The following ROBO2 variants were observed in gnomAD, a reference collection of about 807,000 sequenced individuals.
ROBO2 encodes the protein roundabout homolog 2.
ROBO2 carries 53 observed loss-of-function variants against 160.8 expected under a neutral mutation model. The ratio of observed to expected loss-of-function variants is 0.33; its 90% CI spans 0.26 to 0.41. ROBO2 has a LOEUF of 0.41. Among genes scored for constraint, ROBO2 ranks in the 10% least tolerant of loss-of-function variants. The pLI, the probability that ROBO2 is intolerant of heterozygous loss-of-function variation, is 1.00. For synonymous variants in ROBO2, 664 were observed against 611.7 expected (o/e 1.09, Z -1.26); for missense variants, 1,577 against 1,722.4 (o/e 0.92, Z 1.49).
intron 22 of ROBO2, among the ~76,000 whole-genome samples, chr3:77,618,982 T>G (rs1294101675): frequency 6.6e-6 from 1 of 152,168 alleles, no homozygotes; most frequent in East Asian, 1.9e-4. Context: ...AAGCACAGAC[T>G]CAAGCTGAAG....
At chr3:77,259,620 A>T (rs2153328961) in intron 2 of ROBO2, among the ~76,000 whole-genome samples, 1 of 152,352 alleles carries the variant, frequency 6.6e-6, no homozygotes, top group South Asian at 2.1e-4. Flanking sequence ...ATGATTGCTT[A>T]CTAGCTGCTG....
At chr3:76,357,180 G>A (rs2075222777) in intron 2 of ROBO2, among the ~76,000 whole-genome samples, 2 of 151,904 alleles carry the variant, frequency 1.3e-5, no homozygotes, top group Admixed American at 1.3e-4. Context: ...ATGAAATCAT[G>A]TCCTTTGCAG....
intron 2 of ROBO2, among the ~76,000 whole-genome samples, chr3:76,912,305 G>T (rs1559692392): frequency 6.6e-6 from 1 of 152,042 alleles, no homozygotes; most frequent in Non-Finnish European, 1.5e-5. Flanking sequence ...ATACAATAAG[G>T]TTTTATATTC....
At chr3:77,098,363 A>G (rs1323591358) in intron 2 of ROBO2, 23 bp downstream of exon 2, 2 of 1,608,476 alleles carry the variant, frequency 1.2e-6, no homozygotes, top group South Asian at 2.2e-5. Flanking sequence ...AATGAACCTC[A>G]TGTGCACATT....
intron 2 of ROBO2, among the ~76,000 whole-genome samples, chr3:76,704,705 G>A (rs1240912441): frequency 6.6e-6 from 1 of 152,008 alleles, no homozygotes; most frequent in Non-Finnish European, 1.5e-5. Context: ...GATAGCATGA[G>A]GTTTTCTTGA....
chr3:76,524,482 G>A (rs1006165276), intron 2 of ROBO2, among the ~76,000 whole-genome samples: 1 of 151,692 alleles, frequency 6.6e-6, no homozygotes, highest in Non-Finnish European at 1.5e-5. Flanking sequence ...TAAGGTGAGG[G>A]CGACAATTTT....
At chr3:76,965,921 C>CTTTTTTTTT (rs1168083048) in intron 2 of ROBO2, among the ~76,000 whole-genome samples, 1 of 114,118 alleles carries the variant, frequency 8.8e-6, no homozygotes, top group Non-Finnish European at 1.8e-5. Context: ...GGCATATTTT[C>CTTTTTTTTT]TTTTTTTTTT....
chr3:77,190,951 T>C (rs1394859800), intron 2 of ROBO2, among the ~76,000 whole-genome samples: 3 of 152,028 alleles, frequency 2.0e-5, no homozygotes, highest in Non-Finnish European at 4.4e-5. Flanking sequence ...AAAAAATGCA[T>C]CACAGAAGTC....
chr3:76,323,176 C>CACACACACACACACACACACACACA (rs1559763162), intron 2 of ROBO2, among the ~76,000 whole-genome samples: 3 of 143,766 alleles, frequency 2.1e-5, no homozygotes, highest in Admixed American at 6.8e-5. Flanking sequence ...CACACACACA[C>CACACACACACACACACACACACACA]CCCTAAAGGC....
intron 2 of ROBO2, among the ~76,000 whole-genome samples, chr3:76,001,410 C>G (rs1382478572): frequency 6.6e-6 from 1 of 152,168 alleles, no homozygotes; most frequent in Non-Finnish European, 1.5e-5. Flanking sequence ...TTCTCTATAA[C>G]TCAGTGTCAC....
chr3:76,129,983 A>G (rs2071163043), intron 2 of ROBO2, among the ~76,000 whole-genome samples: 1 of 152,084 alleles, frequency 6.6e-6, no homozygotes, highest in Non-Finnish European at 1.5e-5. Flanking sequence ...AGTTAATAAA[A>G]AACATATGAG....
chr3:75,962,581 A>G (rs1948958097), intron 2 of ROBO2, among the ~76,000 whole-genome samples: 1 of 151,654 alleles, frequency 6.6e-6, no homozygotes, highest in Non-Finnish European at 1.5e-5. Flanking sequence ...TTTGCCTCCG[A>G]TATAACTGGG....
chr3:76,333,858 T>C (rs1250236520), intron 2 of ROBO2, among the ~76,000 whole-genome samples: 1 of 152,180 alleles, frequency 6.6e-6, no homozygotes, highest in African/African-American at 2.4e-5. Context: ...TGGATGAAGC[T>C]GGAAACCATC....
chr3:76,351,393 G>T (rs2074865285), intron 2 of ROBO2, among the ~76,000 whole-genome samples: 1 of 151,954 alleles, frequency 6.6e-6, no homozygotes, highest in Admixed American at 6.6e-5. Context: ...GACTTTTGGG[G>T]CAAACAGCTG....
At chr3:76,641,939 C>T (rs1316274536) in intron 2 of ROBO2, among the ~76,000 whole-genome samples, 3 of 151,936 alleles carry the variant, frequency 2.0e-5, no homozygotes, top group East Asian at 1.9e-4. Flanking sequence ...GAGATGGTCT[C>T]GAACTCTTGG....
intron 2 of ROBO2, among the ~76,000 whole-genome samples, chr3:76,735,564 C>T (rs895153101): frequency 6.6e-6 from 1 of 151,698 alleles, no homozygotes; most frequent in Non-Finnish European, 1.5e-5. Flanking sequence ...GGGTTCCTGA[C>T]CAGCCTGGGC....
chr3:76,707,853 G>C (rs894017412), intron 2 of ROBO2, among the ~76,000 whole-genome samples: 1 of 151,454 alleles, frequency 6.6e-6, no homozygotes, highest in Non-Finnish European at 1.5e-5. Flanking sequence ...CAGCCAACTG[G>C]CTAAGGCTGT....
intron 2 of ROBO2, among the ~76,000 whole-genome samples, chr3:76,366,526 G>T (rs1030890626): frequency 6.6e-6 from 1 of 151,978 alleles, no homozygotes; most frequent in Non-Finnish European, 1.5e-5. Context: ...TACTGAAAAA[G>T]AACAGAGTAA....
chr3:76,267,897 C>G (rs1707193039), intron 2 of ROBO2, among the ~76,000 whole-genome samples: 3 of 152,166 alleles, frequency 2.0e-5, no homozygotes, highest in Non-Finnish European at 4.4e-5. Context: ...ATTACTACAT[C>G]TTTCTGTACC....
Sources: gnomAD v4.1 joint callset for allele counts (sites outside exome capture counted in the v4.1 genomes callset) on GRCh38, gnomAD v4.1.1 for gene constraint, MANE v1.5 for transcripts, NCBI Gene and HGNC (gene_info 2026-07-23, HGNC 2026-07-21) for gene names.